Variants in CLIP2 observed in about 807,000 individuals in gnomAD.
The protein encoded by CLIP2 is CAP-Gly domain-containing linker protein 2.
CLIP2 carries 41 observed loss-of-function variants against 111.7 expected under a neutral mutation model. The observed-to-expected ratio is 0.37, with a 90% CI of 0.29 to 0.48. CLIP2 has a LOEUF of 0.48. CLIP2 is among the 20% of genes least tolerant of loss of function. CLIP2 has a pLI of 0.99. For missense variants in CLIP2, 1,160 were observed against 1,422.1 expected (o/e 0.82, Z 2.96); for synonymous variants, 660 against 644.2 (o/e 1.02, Z -0.37).
chr7:74,385,899 C>T (rs1312908276), intron 11 of CLIP2, among the ~76,000 whole-genome samples: 8 of 151,420 alleles, frequency 5.3e-5, no homozygotes, highest in Admixed American at 3.3e-4. Context: ...TGCACCACCA[C>T]GCCCAGCTAA....
Position 74,376,894 on chromosome 7 carries a change from T to A in CLIP2, c.2421+72T>A, listed in dbSNP as rs536850027. On this transcript the variant is annotated intron_variant, in intron 10 of 16. Transcript: ENST00000223398. This position sits in a 1 kb window ranked among gnomAD's most constrained non-coding sequence, Gnocchi z 7.1. ...GGGCTTGGCCTTTTGCTGACCTCTG[T>A]TCTGCAGCCCAGGAAGCATTTCCCT... The A allele has an allele frequency of 2.2e-6, 3 of 1,346,076 alleles. No individual in the cohort carries two copies. Among genetic ancestry groups the A allele is most frequent in the Non-Finnish European group, 3.0e-6 (3 of 1,008,540 alleles). 83.4% of individuals were successfully genotyped at this position (1,346,076 alleles called of 1,614,324 possible). A position where few individuals can be genotyped will look rare whatever the true frequency, so the allele number is the denominator to read the frequency against.
At chr7:74,294,079 G>C (rs531038335) in intron 1 of CLIP2, among the ~76,000 whole-genome samples, 1 of 152,228 alleles carries the variant, frequency 6.6e-6, no homozygotes, top group Non-Finnish European at 1.5e-5. Context: ...ACCACGCCTG[G>C]CTAATTTTTG....
intron 11 of CLIP2, among the ~76,000 whole-genome samples, chr7:74,382,012 C>T (rs1790957173): frequency 6.6e-6 from 1 of 152,162 alleles, no homozygotes; most frequent in African/African-American, 2.4e-5. Context: ...GTGATCTTTG[C>T]CAATCTGAAA....
chr7:74,328,856 G>C (rs1380474923), intron 2 of CLIP2, among the ~76,000 whole-genome samples: 1 of 151,442 alleles, frequency 6.6e-6, no homozygotes, highest in Non-Finnish European at 1.5e-5. Context: ...TCCTCTCTCA[G>C]CCTCCCAAGT....
chr7:74,292,898 T>C (rs1362683851), intron 1 of CLIP2, among the ~76,000 whole-genome samples: 1 of 152,222 alleles, frequency 6.6e-6, no homozygotes, highest in Non-Finnish European at 1.5e-5. Flanking sequence ...TGAACAATTA[T>C]GATTCTGCCT....
At chr7:74,341,876 G>A (rs1223084867) in intron 3 of CLIP2, among the ~76,000 whole-genome samples, 1 of 152,152 alleles carries the variant, frequency 6.6e-6, no homozygotes, top group East Asian at 1.9e-4. Flanking sequence ...GAGAGACCAC[G>A]AGGCCAGTGA....
rs77987745 is a variant in CLIP2 at position 74,404,340 on chromosome 7, G to A, written c.*492G>A. The A allele has an allele frequency of 7.1e-3, 1,152 of 161,690 alleles. 12 individuals are homozygous for A. The highest frequency in any genetic ancestry group is 0.025 in the African/African-American group (1,063 of 41,868). The allele number at this position is 161,690 out of a possible 1,614,324, so 10.0% of individuals were successfully genotyped here. On this transcript the variant is annotated 3_prime_UTR_variant, in exon 17 of 17. Coordinates refer to ENST00000223398, the MANE Select transcript of CLIP2 (RefSeq NM_003388.5). Reference sequence around the variant, plus strand: ...GCCAAGTGGGGGCCCCTTTTCCGAAGCCACTTCCAGGCCAAGGCAGTCGCC... The same window carrying A: ...GCCAAGTGGGGGCCCCTTTTCCGAAACCACTTCCAGGCCAAGGCAGTCGCC...
intron 1 of CLIP2, among the ~76,000 whole-genome samples, chr7:74,292,985 G>T (rs1336223893): frequency 4.6e-5 from 7 of 152,178 alleles, no homozygotes; most frequent in African/African-American, 1.7e-4. Flanking sequence ...CCCCCAGTTG[G>T]CTGTATCTTT....
At chr7:74,305,046 CTTACAATGGAG>C (rs2116467928) in intron 1 of CLIP2, among the ~76,000 whole-genome samples, 1 of 150,112 alleles carries the variant, frequency 6.7e-6, no homozygotes, top group African/African-American at 2.4e-5. Flanking sequence ...CCTCCCTGCT[CTTACAATGGAG>C]TTCATCCTGT....
rs1789530930 is a variant in CLIP2 at position 74,338,158 on chromosome 7, C to T, written c.122-290C>T. On this transcript the variant is annotated intron_variant, in intron 2 of 16. Transcript: ENST00000223398. The surrounding 1 kb of genome is among the most constrained non-coding windows in gnomAD (Gnocchi z 4.3). ...TCAAGACTGCAGTGAGCCACCATAT[C>T]GCCAATGCACTCTAGTCTGGGTGAC... 6.6e-6 allele frequency among the ~76,000 whole-genome samples: 1 copy of T among 152,040 alleles called. No homozygotes were observed. The highest frequency in any genetic ancestry group is 2.1e-4 in the South Asian group (1 of 4,826).
At chr7:74,340,334 T>G (rs1789622950) in intron 3 of CLIP2, among the ~76,000 whole-genome samples, 1 of 151,922 alleles carries the variant, frequency 6.6e-6, no homozygotes, top group Non-Finnish European at 1.5e-5. Flanking sequence ...AGGCAGAGGT[T>G]TCAGTGAGCC....
chr7:74,390,165 G>GAA (rs1298908637), intron 13 of CLIP2, among the ~76,000 whole-genome samples: 1 of 4,732 alleles, frequency 2.1e-4, no homozygotes, highest in African/African-American at 6.5e-4. Flanking sequence ...AAAGAAAGAA[G>GAA]AAAGAAAGAA....
rs1554732589 is a variant in CLIP2 at position 74,338,500 on chromosome 7, T to C, written c.174T>C (p.Ala58=). 1.2e-6 allele frequency: 2 copies of C among 1,611,770 alleles called. No individual in the cohort carries two copies. The highest frequency in any genetic ancestry group is 3.3e-5 in the Admixed American group (2 of 59,860). ...GACCCTCCTCCTCCCCGGCCGCAGC[T>C]GCTGCCCCCGAGAAGCCGGGCCCCA... ...SSGPSSSPAA[A]AAPEKPGPKA... Residue 58 remains alanine, a synonymous_variant, in exon 3 of 17, where the codon GCT becomes GCC. Transcript: ENST00000223398. This position sits in a 1 kb window ranked among gnomAD's most constrained non-coding sequence, Gnocchi z 4.3.
chr7:74,386,578 C>G lies in CLIP2; in HGVS notation c.2537C>G (p.Thr846Ser). ...DKEVTALTSQ[T>S]EMLRAQVSAL... ...GAGGTGACAGCCTTGACCTCCCAGA[C>G]CGAGATGCTCAGGGCCCAAGTAAGT... is the stretch of plus-strand genomic sequence containing the variant. Residue 846 changes from threonine to serine, a missense_variant, in exon 12 of 17, where the codon ACC (threonine) becomes AGC (serine). Thr to Ser is a moderately conservative substitution (Grantham distance 58, BLOSUM62 1). Transcript: ENST00000223398. 6.2e-7 allele frequency: 1 copy of G among 1,610,502 alleles called. No individual in the cohort carries two copies. Among genetic ancestry groups the G allele is most frequent in the Non-Finnish European group, 8.5e-7 (1 of 1,178,632 alleles).
At chr7:74,297,518 G>C (rs993877255) in intron 1 of CLIP2, among the ~76,000 whole-genome samples, 1 of 151,984 alleles carries the variant, frequency 6.6e-6, no homozygotes, top group African/African-American at 2.4e-5. Context: ...CAAAAGCAGG[G>C]CCCCCCCTTT....
At chr7:74,312,743 C>G (rs1168396636) in intron 1 of CLIP2, among the ~76,000 whole-genome samples, 1 of 152,112 alleles carries the variant, frequency 6.6e-6, no homozygotes, top group Non-Finnish European at 1.5e-5. Context: ...GCCCTGAGGG[C>G]CAGGGCTGGC....
At chr7:74,296,951 A>C (rs1483994627) in intron 1 of CLIP2, among the ~76,000 whole-genome samples, 3 of 152,166 alleles carry the variant, frequency 2.0e-5, no homozygotes, top group African/African-American at 7.2e-5. Flanking sequence ...TATAGTCCCT[A>C]AGACCAGCAT....
At chr7:74,391,626 C>T (rs1554315881) in intron 13 of CLIP2, among the ~76,000 whole-genome samples, 5 of 152,000 alleles carry the variant, frequency 3.3e-5, no homozygotes, top group African/African-American at 9.6e-5. Flanking sequence ...TTGAGACCAG[C>T]CTGGTCAACA....
chr7:74,359,531 A>AT (rs1191366733), intron 6 of CLIP2, among the ~76,000 whole-genome samples: 11 of 150,752 alleles, frequency 7.3e-5, no homozygotes, highest in African/African-American at 1.2e-4. Context: ...TGTTTTTTGT[A>AT]TTTTTAGTAG....
Sources: allele counts gnomAD v4.1 joint callset (sites outside exome capture counted in the v4.1 genomes callset), GRCh38; gene constraint gnomAD v4.1.1; non-coding constraint Gnocchi (gnomAD v3.1); transcripts MANE v1.5; gene names NCBI Gene and HGNC (gene_info 2026-07-23, HGNC 2026-07-21).